The following CDC123 variants were observed in gnomAD, a reference collection of about 807,000 sequenced individuals.
CDC123 encodes translation initiation factor eIF2 assembly protein.
CDC123 carries 37 observed loss-of-function variants against 54.4 expected under a neutral mutation model. The observed-to-expected ratio is 0.68, with a 90% CI of 0.52 to 0.89. The LOEUF (loss-of-function observed/expected upper bound fraction) is 0.89, where lower values mean the gene tolerates loss of function less well. CDC123 is among the 40% of genes least tolerant of loss of function. The pLI is 0.00. For synonymous variants in CDC123, 144 were observed against 136.8 expected (o/e 1.05, Z -0.37); for missense variants, 361 against 412.1 (o/e 0.88, Z 1.07).
chr10:12,224,637 C>T (rs1415641623), intron 6 of CDC123, among the ~76,000 whole-genome samples: 1 of 152,178 alleles, frequency 6.6e-6, no homozygotes, highest in Non-Finnish European at 1.5e-5. Context: ...AGCCTCCTTT[C>T]AGCTTAGACT....
chr10:12,228,904 A>T (rs1018340450), intron 6 of CDC123, among the ~76,000 whole-genome samples: 4 of 151,832 alleles, frequency 2.6e-5, no homozygotes, highest in African/African-American at 9.7e-5. Flanking sequence ...TTGTAGAGAC[A>T]GGGTTTTGCC....
chr10:12,199,226 A>G (rs111355299), intron 2 of CDC123, among the ~76,000 whole-genome samples: 1 of 152,264 alleles, frequency 6.6e-6, no homozygotes, highest in Non-Finnish European at 1.5e-5. Context: ...TAGTTTCCCT[A>G]TTTATAGAAT....
chr10:12,199,021 C>G (rs952810269), intron 2 of CDC123: 6 of 360,416 alleles, frequency 1.7e-5, no homozygotes, highest in African/African-American at 1.1e-4. Context: ...CTTTAGAAAA[C>G]AGTTATGATG....
chr10:12,220,061 G>C (rs1307132530), intron 6 of CDC123, among the ~76,000 whole-genome samples: 7 of 152,168 alleles, frequency 4.6e-5, no homozygotes, highest in Non-Finnish European at 7.4e-5. Context: ...TTGAACTCCT[G>C]ATCTCGTGAT....
At chr10:12,227,775 C>T (rs1835846121) in intron 6 of CDC123, among the ~76,000 whole-genome samples, 1 of 151,964 alleles carries the variant, frequency 6.6e-6, no homozygotes, top group Admixed American at 6.6e-5. Context: ...GGATTACAGG[C>T]GTGAGTCACC....
intron 11 of CDC123, among the ~76,000 whole-genome samples, chr10:12,248,884 C>T (rs548824925): frequency 1.9e-4 from 29 of 151,312 alleles, no homozygotes; most frequent in East Asian, 2.0e-4. Context: ...CCGAGGCAGG[C>T]AGATCACCTG....
Position 12,237,152 on chromosome 10 carries a change from C to CA in CDC123, c.577dup (p.Arg193LysfsTer8). The CA allele has an allele frequency of 2.6e-6, 4 of 1,535,330 alleles. No individual in the cohort carries two copies. Among genetic ancestry groups the CA allele is most frequent in the Non-Finnish European group, 3.5e-6 (4 of 1,149,538 alleles). On this transcript the variant is annotated frameshift_variant, in exon 9 of 13. Transcript: ENST00000281141. LOFTEE classifies it high-confidence loss of function. The stretch of plus-strand genomic sequence containing the variant: ...AAATATTTTCTTGTCAGGTATTTCT[C>CA]AAAGAGACTACACACAATACTATGA...
chr10:12,205,354 G>C (rs1420111205), intron 2 of CDC123, among the ~76,000 whole-genome samples: 1 of 152,102 alleles, frequency 6.6e-6, no homozygotes, highest in Non-Finnish European at 1.5e-5. Context: ...CCAAATCTTA[G>C]CTATTGTAAA....
At chr10:12,199,750 A>C (rs1165295047) in intron 2 of CDC123, among the ~76,000 whole-genome samples, 1 of 152,166 alleles carries the variant, frequency 6.6e-6, no homozygotes. Flanking sequence ...AACTTTGAAT[A>C]ATTTGAGGCT....
chr10:12,227,101 C>T lies in CDC123; in HGVS notation c.441-3847C>T, dbSNP rs552108308. Reference sequence around the variant, plus strand: ...AAACCCTGTCTCCACCAAAAAAATACGAAAACCAGTCAGGCGTGGCGGCGT... The same window carrying T: ...AAACCCTGTCTCCACCAAAAAAATATGAAAACCAGTCAGGCGTGGCGGCGT... On this transcript the variant is annotated intron_variant, in intron 6 of 12. Transcript: ENST00000281141. Among the ~76,000 whole-genome samples the T allele has an allele frequency of 5.3e-5, 8 of 152,268 alleles. No homozygotes were observed. The South Asian group carries it at 6.2e-4, about 12-fold the overall frequency.
chr10:12,240,828 C>A (rs11257611), intron 10 of CDC123, among the ~76,000 whole-genome samples: 1 of 152,120 alleles, frequency 6.6e-6, no homozygotes, highest in Non-Finnish European at 1.5e-5. Context: ...CATGATCATA[C>A]ATGTCATGCC....
chr10:12,243,490 A>G (rs1188843953), intron 10 of CDC123, among the ~76,000 whole-genome samples: 1 of 152,090 alleles, frequency 6.6e-6, no homozygotes, highest in East Asian at 1.9e-4. Context: ...TTTACTGACT[A>G]TAAAAAGCCA....
chr10:12,197,709 T>G (rs1342824522), intron 1 of CDC123, among the ~76,000 whole-genome samples: 1 of 148,654 alleles, frequency 6.7e-6, no homozygotes, highest in Non-Finnish European at 1.5e-5. Context: ...AATTGTACCT[T>G]TGATAAATCA....
At chr10:12,198,465 A>G (rs1835394627) in intron 1 of CDC123, among the ~76,000 whole-genome samples, 1 of 152,136 alleles carries the variant, frequency 6.6e-6, no homozygotes, top group South Asian at 2.1e-4. Context: ...TGTGATTTCC[A>G]TCTGGTGGTT....
At chr10:12,210,345 G>T (rs371297474) in intron 4 of CDC123, 23 bp downstream of exon 4, 2 of 1,613,898 alleles carry the variant, frequency 1.2e-6, no homozygotes, top group African/African-American at 2.7e-5. Flanking sequence ...CAGACTCAGC[G>T]TGGGGACAGC....
intron 7 of CDC123, among the ~76,000 whole-genome samples, chr10:12,233,732 A>G (rs999658223): frequency 6.6e-6 from 1 of 152,124 alleles, no homozygotes; most frequent in African/African-American, 2.4e-5. Context: ...GGCTTGACTA[A>G]GAGCTTATAA....
intron 4 of CDC123, among the ~76,000 whole-genome samples, chr10:12,211,550 A>G (rs932745860): frequency 6.6e-6 from 1 of 152,238 alleles, no homozygotes; most frequent in African/African-American, 2.4e-5. Context: ...AATTCCATTC[A>G]GTGTCATGTA....
rs749432458 is a variant in CDC123, at chr10:12,235,028, A to T, written c.490-20A>T. 1.4e-5 allele frequency: 22 copies of T among 1,602,182 alleles called. No individual in the cohort carries two copies. Among genetic ancestry groups the T allele is most frequent in the Non-Finnish European group, 1.8e-5 (21 of 1,169,736 alleles). ...ACCACATAGGTGTGTTATATTAAAT[A>T]TTTTTTCTTTTGTTTACAGCTCGTT... On this transcript the variant is annotated intron_variant, in intron 7 of 12. Transcript: ENST00000281141.
chr10:12,213,772 A>C (rs2131739165), intron 4 of CDC123, among the ~76,000 whole-genome samples: 1 of 152,368 alleles, frequency 6.6e-6, no homozygotes, highest in East Asian at 1.9e-4. Context: ...GGTTCAAAAG[A>C]GAATCCAAAG....
Sources: allele counts gnomAD v4.1 joint callset (sites outside exome capture counted in the v4.1 genomes callset), GRCh38; gene constraint gnomAD v4.1.1; transcripts MANE v1.5; gene names NCBI Gene and HGNC (gene_info 2026-07-23, HGNC 2026-07-21).